The following CELF4 variants were observed in gnomAD, a reference collection of about 807,000 sequenced individuals.
CELF4 encodes CUGBP Elav-like family member 4.
Under a neutral mutation model 59.9 loss-of-function variants are expected in CELF4, and 18 were observed. That is an observed-to-expected ratio of 0.30 (90% CI 0.21 to 0.45). The LOEUF is 0.45. Among genes scored for constraint, CELF4 ranks in the 20% least tolerant of loss-of-function variants. The pLI is 1.00. For missense variants in CELF4, 456 were observed against 689.0 expected (o/e 0.66, Z 3.79); for synonymous variants, 261 against 267.1 (o/e 0.98, Z 0.22).
intron 1 of CELF4, among the ~76,000 whole-genome samples, chr18:37,512,866 C>T (rs2099946164): frequency 1.3e-5 from 2 of 152,094 alleles, no homozygotes; most frequent in Non-Finnish European, 2.9e-5. Context: ...CTCTCCTCCT[C>T]CTCCTTCTCC....
chr18:37,538,941 G>T (rs890172331), intron 1 of CELF4, among the ~76,000 whole-genome samples: 3 of 152,106 alleles, frequency 2.0e-5, no homozygotes, highest in Non-Finnish European at 4.4e-5. Flanking sequence ...ACCCCTCTCT[G>T]CGGAGTCTCC....
chr18:37,343,847 C>A (rs1279296730), intron 2 of CELF4, among the ~76,000 whole-genome samples: 1 of 152,124 alleles, frequency 6.6e-6, no homozygotes, highest in Non-Finnish European at 1.5e-5. Flanking sequence ...CAAACCCTCA[C>A]CTTTCACTCC....
intron 1 of CELF4, among the ~76,000 whole-genome samples, chr18:37,531,107 A>T (rs1218459585): frequency 6.6e-6 from 1 of 151,832 alleles, no homozygotes; most frequent in African/African-American, 2.4e-5. Context: ...GGCTCTGGGG[A>T]TCCTCAGCCT....
intron 2 of CELF4, among the ~76,000 whole-genome samples, chr18:37,369,947 C>A (rs930144189): frequency 2.6e-5 from 4 of 152,236 alleles, no homozygotes; most frequent in Non-Finnish European, 5.9e-5. Context: ...GCTGTGCAAA[C>A]TGCAGAAAGC....
chr18:37,435,677 C>T (rs1456698903), intron 2 of CELF4, among the ~76,000 whole-genome samples: 3 of 152,230 alleles, frequency 2.0e-5, no homozygotes, highest in African/African-American at 7.2e-5. Context: ...GCCCCCACCT[C>T]ATCACGTCCC....
At chr18:37,312,137 A>AAAAAAAAAAAAAGAAAAG (rs1569557807) in intron 3 of CELF4, among the ~76,000 whole-genome samples, 1 of 141,312 alleles carries the variant, frequency 7.1e-6, no homozygotes, top group Non-Finnish European at 1.5e-5. Context: ...AAAAGAAAAA[A>AAAAAAAAAAAAAGAAAAG]AAAAAAAGAA....
At chr18:37,259,094 G>T (rs780039016) in intron 11 of CELF4, 87 bp downstream of exon 11, 1 of 1,600,526 alleles carries the variant, frequency 6.2e-7, no homozygotes, top group Non-Finnish European at 8.5e-7. Context: ...CCTAGGTGAA[G>T]CTAATTGGTT....
At chr18:37,475,997 T>A (rs980293096) in intron 2 of CELF4, among the ~76,000 whole-genome samples, 1 of 152,218 alleles carries the variant, frequency 6.6e-6, no homozygotes, top group Non-Finnish European at 1.5e-5. Context: ...ATTCTATATT[T>A]TTATTATCCT....
chr18:37,487,137 T>C (rs1228478684), intron 1 of CELF4, among the ~76,000 whole-genome samples: 1 of 152,164 alleles, frequency 6.6e-6, no homozygotes, highest in Non-Finnish European at 1.5e-5. Context: ...TGCTTTAGAC[T>C]CTGGTTGCCG....
At chr18:37,269,567 C>T (rs1245225764) in intron 8 of CELF4, among the ~76,000 whole-genome samples, 1 of 152,214 alleles carries the variant, frequency 6.6e-6, no homozygotes, top group Non-Finnish European at 1.5e-5. Flanking sequence ...GCTGGCCTGC[C>T]TGCCGTGTGT....
intron 2 of CELF4, among the ~76,000 whole-genome samples, chr18:37,354,827 T>C (rs1306250099): frequency 6.6e-6 from 1 of 152,232 alleles, no homozygotes; most frequent in Admixed American, 6.5e-5. Context: ...AAGTTCTAAA[T>C]GCTCACCCTG....
intron 2 of CELF4, among the ~76,000 whole-genome samples, chr18:37,337,041 G>T (rs1487634455): frequency 6.6e-6 from 1 of 152,196 alleles, no homozygotes; most frequent in Non-Finnish European, 1.5e-5. Context: ...GCGCTCACAG[G>T]CCTGGTGGTC....
chr18:37,407,455 C>G (rs1367311793), intron 2 of CELF4, among the ~76,000 whole-genome samples: 1 of 152,018 alleles, frequency 6.6e-6, no homozygotes, highest in Non-Finnish European at 1.5e-5. Context: ...AGTAGTGTGG[C>G]AGCTTATGAA....
At chr18:37,317,867 A>C (rs1412163839) in intron 3 of CELF4, among the ~76,000 whole-genome samples, 1 of 151,748 alleles carries the variant, frequency 6.6e-6, no homozygotes, top group Non-Finnish European at 1.5e-5. Flanking sequence ...ACACCCCCAC[A>C]CCTCATGTGT....
intron 2 of CELF4, among the ~76,000 whole-genome samples, chr18:37,420,612 G>A (rs2099572246): frequency 6.6e-6 from 1 of 152,172 alleles, no homozygotes; most frequent in Non-Finnish European, 1.5e-5. Context: ...GCAGGGAGAG[G>A]GTGCAGGTGC....
chr18:37,423,207 A>C (rs933204264), intron 2 of CELF4, among the ~76,000 whole-genome samples: 14 of 152,190 alleles, frequency 9.2e-5, no homozygotes, highest in African/African-American at 3.4e-4. Flanking sequence ...GTGTTCCAGG[A>C]AGATGGGTTG....
At chr18:37,333,658 C>T (rs2097647322) in intron 2 of CELF4, among the ~76,000 whole-genome samples, 1 of 151,812 alleles carries the variant, frequency 6.6e-6, no homozygotes, top group Non-Finnish European at 1.5e-5. Context: ...CTCCACCCTG[C>T]CCCAGCTCTG....
chr18:37,293,428 T>A (rs2154425915), intron 3 of CELF4, among the ~76,000 whole-genome samples: 1 of 152,342 alleles, frequency 6.6e-6, no homozygotes, highest in Non-Finnish European at 1.5e-5. Context: ...ATGTTCTGTG[T>A]CTGTGTCTAA....
intron 3 of CELF4, among the ~76,000 whole-genome samples, chr18:37,302,976 C>T (rs1292867862): frequency 6.6e-6 from 1 of 152,110 alleles, no homozygotes; most frequent in African/African-American, 2.4e-5. Context: ...GAAGGGGGCT[C>T]CATCTCCTGC....
Sources: gnomAD v4.1 joint callset for allele counts (sites outside exome capture counted in the v4.1 genomes callset) on GRCh38, gnomAD v4.1.1 for gene constraint, MANE v1.5 for transcripts, NCBI Gene and HGNC (gene_info 2026-07-23, HGNC 2026-07-21) for gene names.